The following ERP27 variants were observed in gnomAD, a reference collection of about 807,000 sequenced individuals.
ERP27 encodes the protein endoplasmic reticulum resident protein 27.
A neutral mutation model predicts 27.7 loss-of-function variants in ERP27; 23 were observed. The ratio of observed to expected loss-of-function variants is 0.83; its 90% CI spans 0.60 to 1.18. The LOEUF (loss-of-function observed/expected upper bound fraction) is 1.18, where lower values mean the gene tolerates loss of function less well. Among genes scored for constraint, ERP27 ranks in the 50% most tolerant of loss-of-function variants. The pLI, the probability that ERP27 is intolerant of heterozygous loss-of-function variation, is 0.00. For synonymous variants in ERP27, 159 were observed against 118.3 expected (o/e 1.34, Z -2.23); for missense variants, 363 against 327.9 (o/e 1.11, Z -0.83).
intron 3 of ERP27, among the ~76,000 whole-genome samples, chr12:14,933,785 C>G (rs1031263599): frequency 1.3e-5 from 2 of 152,168 alleles, no homozygotes; most frequent in African/African-American, 2.4e-5. Flanking sequence ...TGCCTGCTTT[C>G]CATAACTGTG....
intron 3 of ERP27, among the ~76,000 whole-genome samples, chr12:14,928,682 A>G (rs1863648910): frequency 6.6e-6 from 1 of 152,208 alleles, no homozygotes; most frequent in African/African-American, 2.4e-5. Flanking sequence ...ATTTTGAAAC[A>G]AATCAAAACC....
In ERP27 at chr12:14,915,619, T is replaced by C. The variant is rs1261060273; in HGVS notation, c.644A>G (p.Lys215Arg). 2 of 1,614,098 alleles carry C rather than the reference T, an allele frequency of 1.2e-6. No individual in the cohort carries two copies. The highest frequency in any genetic ancestry group is 2.7e-5 in the African/African-American group (2 of 74,930). Residue 215 changes from lysine (K) to arginine (R), a missense_variant, in exon 6 of 7, where the codon AAG becomes AGG. Coordinates refer to ENST00000266397, the MANE Select transcript of ERP27 (RefSeq NM_152321.4). ...NGKVISFFKL[K>R]ESQLPALAIY... ...TGCCAAAGCTGGCAGTTGAGACTCC[T>C]TTAGTTTGAAAAATGATATCACCTT...
chr12:14,933,985 A>G (rs1399678492), intron 3 of ERP27, among the ~76,000 whole-genome samples: 3 of 152,200 alleles, frequency 2.0e-5, no homozygotes, highest in Admixed American at 2.0e-4. Flanking sequence ...ATTTCTGTTC[A>G]TGTTACTCCC....
In ERP27 at chr12:14,920,943, A is replaced by G; in HGVS notation, c.439T>C (p.Tyr147His). Reference sequence around the variant, plus strand: ...GAAGTATTGTTTACCACAGGGTTGTACTCTGTCACCATGTGGAGGCTGTTG... The same window carrying G: ...GAAGTATTGTTTACCACAGGGTTGTGCTCTGTCACCATGTGGAGGCTGTTG... The part of the protein sequence containing the change: ...EINSLHMVTE[Y>H]NPVTVIGLFN... The change falls in exon 4 of 7, where the codon TAC (tyrosine) becomes CAC (histidine). Residue 147 changes from tyrosine (Y) to histidine (H), a missense_variant. Tyr to His is a moderately conservative substitution (Grantham distance 83). Transcript: ENST00000266397. 1 of 1,613,820 alleles carries G rather than the reference A, an allele frequency of 6.2e-7. No individual in the cohort carries two copies. The highest frequency in any genetic ancestry group is 1.3e-5 in the African/African-American group (1 of 75,032).
At chr12:14,936,026 T>G (rs539353445) in intron 2 of ERP27, among the ~76,000 whole-genome samples, 3 of 152,128 alleles carry the variant, frequency 2.0e-5, no homozygotes, top group Non-Finnish European at 2.9e-5. Flanking sequence ...CCGGCCAAGA[T>G]GTACTTTAGG....
chr12:14,923,099 G>C (rs1863534547), intron 3 of ERP27, among the ~76,000 whole-genome samples: 1 of 149,904 alleles, frequency 6.7e-6, no homozygotes, highest in African/African-American at 2.5e-5. Flanking sequence ...AAAATGCTAA[G>C]ATCCTTGATT....
intron 3 of ERP27, 128 bp downstream of exon 3, chr12:14,934,728 A>C (rs1236810704): frequency 7.6e-6 from 9 of 1,177,968 alleles, no homozygotes; most frequent in Admixed American, 2.4e-5. Context: ...CATCCTTGTC[A>C]ACAATGTCCC....
intron 3 of ERP27, among the ~76,000 whole-genome samples, chr12:14,928,106 TC>T (rs1486832000): frequency 1.3e-5 from 2 of 152,204 alleles, no homozygotes; most frequent in Non-Finnish European, 1.5e-5. Flanking sequence ...ACTTTTGAGA[TC>T]CTTAGGCCAT....
At chr12:14,917,940 A>G (rs1206734634) in intron 4 of ERP27, among the ~76,000 whole-genome samples, 1 of 152,266 alleles carries the variant, frequency 6.6e-6, no homozygotes, top group Non-Finnish European at 1.5e-5. Flanking sequence ...TTGCAGCAAT[A>G]GACAACTAAT....
In ERP27 at chr12:14,915,755, G is replaced by A. The variant is rs1863401523; in HGVS notation, c.577-69C>T. On this transcript the variant is annotated intron_variant, in intron 5 of 6. Coordinates refer to ENST00000266397, the MANE Select transcript of ERP27 (RefSeq NM_152321.4). The stretch of plus-strand genomic sequence containing the variant: ...ACGTCCAGGGATAAAGAGATACCTT[G>A]TAATTGTTGCAGCTCACACTGATTG... 2.9e-6 allele frequency: 4 copies of A among 1,391,646 alleles called. No homozygotes were observed. The Admixed American group carries it at 5.4e-5, about 19-fold the overall frequency. 86.2% of individuals were successfully genotyped at this position (1,391,646 alleles called of 1,614,324 possible).
At chr12:14,922,842 G>A (rs12829399) in intron 3 of ERP27, among the ~76,000 whole-genome samples, 21,099 of 152,122 alleles carry the variant, frequency 0.14, 1,922 homozygotes, top group Admixed American at 0.21. Context: ...TTGAGAGGCC[G>A]AGGCCAGCGG....
At chr12:14,926,668 T>G (rs894313317) in intron 3 of ERP27, among the ~76,000 whole-genome samples, 1 of 152,338 alleles carries the variant, frequency 6.6e-6, no homozygotes, top group South Asian at 2.1e-4. Context: ...TAATATTAAT[T>G]GGCAATTTCA....
At chr12:14,927,408 A>T (rs1863620470) in intron 3 of ERP27, among the ~76,000 whole-genome samples, 1 of 151,876 alleles carries the variant, frequency 6.6e-6, no homozygotes, top group East Asian at 1.9e-4. Context: ...AATGATTTGC[A>T]TCTGTGCTGC....
intron 3 of ERP27, among the ~76,000 whole-genome samples, chr12:14,921,713 C>A (rs1189336611): frequency 6.6e-6 from 1 of 152,108 alleles, no homozygotes; most frequent in East Asian, 1.9e-4. Context: ...ATTGTAGAAC[C>A]ACCACCCAAG....
At chr12:14,918,056 C>T (rs981060597) in intron 4 of ERP27, among the ~76,000 whole-genome samples, 2 of 152,162 alleles carry the variant, frequency 1.3e-5, no homozygotes, top group South Asian at 2.1e-4. Context: ...ATTAGTAGTT[C>T]GTACTTATTG....
chr12:14,928,947 G>T (rs1313593390), intron 3 of ERP27: 5 of 1,535,168 alleles, frequency 3.3e-6, no homozygotes, highest in Non-Finnish European at 4.4e-6. Context: ...CTACCGACCT[G>T]TATTTCCAGC....
chr12:14,929,423 G>A (rs1436633415), intron 3 of ERP27, among the ~76,000 whole-genome samples: 1 of 152,036 alleles, frequency 6.6e-6, no homozygotes, highest in Non-Finnish European at 1.5e-5. Flanking sequence ...TAGGGTTTCT[G>A]GAAGCAACAT....
Position 14,938,071 on chromosome 12 carries a change from G to A in ERP27, c.95-19C>T. On this transcript the variant is annotated intron_variant, in intron 1 of 6. Transcript: ENST00000266397. ...GGACCATCTAGAGAGAGAAGCAGAAGATGTCAGGGTACTGAGGCAAGAAGA... is the reference window on the plus strand; with the variant it reads ...GGACCATCTAGAGAGAGAAGCAGAAAATGTCAGGGTACTGAGGCAAGAAGA... The A allele has an allele frequency of 6.2e-7, 1 of 1,601,152 alleles. No homozygotes were observed. Among genetic ancestry groups the A allele is most frequent in the South Asian group, 1.1e-5 (1 of 90,812 alleles).
intron 4 of ERP27, among the ~76,000 whole-genome samples, chr12:14,918,872 A>C (rs1402833237): frequency 6.6e-6 from 1 of 152,194 alleles, no homozygotes; most frequent in Admixed American, 6.5e-5. Context: ...TTGTTTTACT[A>C]AATCCTGCTA....
Sources: gnomAD v4.1 joint callset for allele counts (sites outside exome capture counted in the v4.1 genomes callset) on GRCh38, gnomAD v4.1.1 for gene constraint, MANE v1.5 for transcripts, NCBI Gene and HGNC (gene_info 2026-07-23, HGNC 2026-07-21) for gene names.